Variants in CARD8 observed in about 807,000 individuals in gnomAD.
CARD8 encodes caspase recruitment domain-containing protein 8.
CARD8 carries 38 observed loss-of-function variants against 53.2 expected under a neutral mutation model. That is an observed-to-expected ratio of 0.71 (90% CI 0.55 to 0.94). The LOEUF is 0.94. CARD8 is among the 40% of genes least tolerant of loss of function. The pLI is 0.00. For missense variants in CARD8, 561 were observed against 655.5 expected (o/e 0.86, Z 1.57); for synonymous variants, 245 against 244.9 (o/e 1.00, Z 0.00).
downstream of CARD8, among the ~76,000 whole-genome samples, chr19:48,207,444 T>A (rs1599960806): frequency 3.3e-5 from 5 of 152,246 alleles, no homozygotes; most frequent in East Asian, 9.6e-4. Context: ...TAGGCATTAC[T>A]GACTTCTTAA....
intron 6 of CARD8, chr19:48,233,966 T>G (rs2043388313): frequency 6.2e-6 from 1 of 160,472 alleles, no homozygotes; most frequent in South Asian, 1.7e-4. Flanking sequence ...GGGCTTCACG[T>G]TGGTAGTTTG....
At position 48,232,465 on chromosome 19, in the gene CARD8, C is replaced by T. The variant is rs1056236025; in HGVS notation, c.379G>A (p.Gly127Arg). ...ATTAGCCCATTACCTGAATCTTGTC[C>T]CTCTGAAGATTCCTGCTCTTCTGAT... ...SVSEEQESSE[G>R]QDSGDICSEE... The change falls in exon 7 of 14, where the codon GGA becomes AGA. Residue 127 changes from glycine to arginine, a missense_variant. Physicochemically the swap from Gly to Arg is moderately radical, Grantham distance 125. Coordinates refer to ENST00000651546, the MANE Select transcript of CARD8 (RefSeq NM_001184900.3). 3 of 1,535,786 alleles carry T rather than the reference C, an allele frequency of 2.0e-6. No individual in the cohort carries two copies. The African/African-American group carries it at 4.1e-5, about 21-fold the overall frequency.
chr19:48,214,774 T>C (rs1225878621), intron 13 of CARD8, among the ~76,000 whole-genome samples: 72 of 3,952 alleles, frequency 0.018, 6 homozygotes, highest in African/African-American at 0.03. Flanking sequence ...TAAAGCTTTT[T>C]TTTTTTTTTT....
chr19:48,206,522 T>C (rs2037351094), downstream of CARD8: 3 of 461,070 alleles, frequency 6.5e-6, no homozygotes, highest in Non-Finnish European at 1.3e-5. Context: ...TCCTCACTCC[T>C]GTGATAACAA....
chr19:48,211,854 C>T lies in CARD8; in HGVS notation c.1470G>A (p.Glu490=). 1 of 1,614,170 alleles carries T rather than the reference C, an allele frequency of 6.2e-7. No individual in the cohort carries two copies. The highest frequency in any genetic ancestry group is 1.1e-5 in the South Asian group (1 of 91,078). The change falls in exon 14 of 14, where the codon GAG becomes GAA. Residue 490 remains glutamate (E), a synonymous_variant. Coordinates refer to ENST00000651546, the MANE Select transcript of CARD8 (RefSeq NM_001184900.3). Reference sequence around the variant, plus strand: ...TCTTGCTCTGCCGTGTCTTTTCCTGCTCCACCAGCTCCTTCTCATTCTCAG... The same window carrying T: ...TCTTGCTCTGCCGTGTCTTTTCCTGTTCCACCAGCTCCTTCTCATTCTCAG... ...VLTENEKELV[E]QEKTRQSKNE...
At chr19:48,243,392 A>C (rs1342137919) in intron 3 of CARD8, among the ~76,000 whole-genome samples, 1 of 152,082 alleles carries the variant, frequency 6.6e-6, no homozygotes, top group African/African-American at 2.4e-5. Flanking sequence ...TATCTGCAAT[A>C]ACTGAATGTC....
At chr19:48,240,832 G>A (rs1403827783) in intron 4 of CARD8, 130 bp downstream of exon 4, 1 of 765,408 alleles carries the variant, frequency 1.3e-6, no homozygotes, top group Middle Eastern at 2.3e-4. Flanking sequence ...TGCAGAGATG[G>A]GTGAATGAAT....
chr19:48,249,241 G>A (rs977030493), intron 3 of CARD8, among the ~76,000 whole-genome samples: 1 of 151,100 alleles, frequency 6.6e-6, no homozygotes, highest in African/African-American at 2.4e-5. Context: ...AATTGCATGA[G>A]ACTGCACAGC....
chr19:48,214,533 T>C (rs1443221840), intron 13 of CARD8, among the ~76,000 whole-genome samples: 13 of 152,032 alleles, frequency 8.6e-5, no homozygotes, highest in Admixed American at 8.5e-4. Flanking sequence ...TGAGCATGCG[T>C]ATGACTCCAA....
chr19:48,240,294 C>T (rs1056565603), intron 4 of CARD8, among the ~76,000 whole-genome samples: 8 of 152,130 alleles, frequency 5.3e-5, no homozygotes, highest in South Asian at 2.1e-4. Flanking sequence ...CTGATCTGGG[C>T]GCCATGCTAT....
At chr19:48,220,117 G>C (rs767458551) in intron 11 of CARD8, among the ~76,000 whole-genome samples, 4 of 152,180 alleles carry the variant, frequency 2.6e-5, no homozygotes, top group Admixed American at 6.5e-5. Flanking sequence ...AGCCAAGAAT[G>C]TATCTTGCCT....
At chr19:48,254,454 T>G (rs780629317) in intron 1 of CARD8, among the ~76,000 whole-genome samples, 1 of 152,064 alleles carries the variant, frequency 6.6e-6, no homozygotes, top group Non-Finnish European at 1.5e-5. Context: ...CAGTAATTCT[T>G]TGAAAAAAGA....
At chr19:48,230,352 T>C in intron 10 of CARD8, 86 bp downstream of exon 10, 1 of 1,428,928 alleles carries the variant, frequency 7.0e-7, no homozygotes, top group Non-Finnish European at 9.5e-7. Context: ...TTGCCCTTTC[T>C]GTTCCACGAG....
intron 10 of CARD8, among the ~76,000 whole-genome samples, chr19:48,227,031 G>C (rs1404840851): frequency 2.0e-5 from 3 of 151,062 alleles, no homozygotes; most frequent in Non-Finnish European, 4.4e-5. Context: ...AGAGGTTGCA[G>C]TGAGCTGAGA....
In CARD8 at chr19:48,231,115, T is replaced by A. The variant is rs545991334; in HGVS notation, c.543-109A>T. On this transcript the variant is annotated intron_variant, in intron 8 of 13. Transcript: ENST00000651546. Reference sequence around the variant, plus strand: ...GAAGTGAGGCAAGGTTCAGGACCCATCTGCGACTTTCACTACATTAGAAAA... The same window carrying A: ...GAAGTGAGGCAAGGTTCAGGACCCAACTGCGACTTTCACTACATTAGAAAA... The A allele has an allele frequency of 1.8e-5, 15 of 815,628 alleles. No homozygotes were observed. In the African/African-American group the frequency reaches 2.4e-4, roughly 13 times the overall value. The allele number at this position is 815,628 out of a possible 1,614,324, so 50.5% of individuals were successfully genotyped here. A position where few individuals can be genotyped will look rare whatever the true frequency, so the allele number is the denominator to read the frequency against.
intron 11 of CARD8, among the ~76,000 whole-genome samples, chr19:48,220,947 G>GGAAA (rs10638077): frequency 0.31 from 33,771 of 107,726 alleles, 5,355 homozygotes; most frequent in East Asian, 0.47. Flanking sequence ...GGGAAAGAAA[G>GGAAA]GAAAGGAAAG....
At position 48,231,838 on chromosome 19, in the gene CARD8, A is replaced by G. The variant is rs183809073; in HGVS notation, c.392-28T>C. 2.9e-5 allele frequency: 46 copies of G among 1,611,366 alleles called. 1 individual carries two copies. The Admixed American group carries it at 6.5e-4, about 23-fold the overall frequency. On this transcript the variant is annotated intron_variant, in intron 7 of 13. Coordinates refer to ENST00000651546, the MANE Select transcript of CARD8 (RefSeq NM_001184900.3). ...GAAAAGAAAATACTAGACATGTAAG[A>G]GGTAAAGGGTTGGAAGAGGCATGGC... is the stretch of plus-strand genomic sequence containing the variant.
intron 13 of CARD8, among the ~76,000 whole-genome samples, chr19:48,214,370 C>T (rs1289273326): frequency 6.6e-6 from 1 of 152,202 alleles, no homozygotes. Context: ...CGTCTCCTGA[C>T]AGAGAGAAAA....
chr19:48,218,353 C>CTT (rs770280304), intron 12 of CARD8, among the ~76,000 whole-genome samples: 18 of 108,992 alleles, frequency 1.7e-4, no homozygotes, highest in South Asian at 3.3e-4. Flanking sequence ...TTATCTTCTT[C>CTT]TTTTTTTTTT....
Sources: gnomAD v4.1 joint callset for allele counts (sites outside exome capture counted in the v4.1 genomes callset) on GRCh38, gnomAD v4.1.1 for gene constraint, MANE v1.5 for transcripts, NCBI Gene and HGNC (gene_info 2026-07-23, HGNC 2026-07-21) for gene names.